CNTN5: variants seen among roughly 807,000 people sequenced by gnomAD.
The protein encoded by CNTN5 is contactin 5, also known as contactin-5.
In CNTN5, 77 loss-of-function variants were observed where a neutral mutation model predicts 129.1. The observed-to-expected ratio is 0.60, with a 90% CI of 0.50 to 0.72. CNTN5 has a LOEUF of 0.72. Ranked by LOEUF, CNTN5 falls within the 30% of genes least tolerant of loss-of-function variation. The pLI is 0.00. For synonymous variants in CNTN5, 509 were observed against 465.6 expected, an observed-to-expected ratio of 1.09 and a Z score of -1.20; for missense variants, 1,478 against 1,328.8, an observed-to-expected ratio of 1.11 and a Z score of -1.75.
intron 3 of CNTN5, among the ~76,000 whole-genome samples, chr11:99,804,769 T>C (rs1946219083): frequency 6.6e-6 from 1 of 150,938 alleles, no homozygotes; most frequent in African/African-American, 2.4e-5. Context: ...TAGATAGAAG[T>C]ACATCTTACA....
intron 17 of CNTN5, among the ~76,000 whole-genome samples, chr11:100,266,760 A>G (rs1034851919): frequency 6.6e-6 from 1 of 151,948 alleles, no homozygotes; most frequent in Non-Finnish European, 1.5e-5. Flanking sequence ...TGGAAGGAAG[A>G]TTATTTTTAT....
chr11:99,711,854 G>A (rs1251018286), intron 3 of CNTN5, among the ~76,000 whole-genome samples: 1 of 152,006 alleles, frequency 6.6e-6, no homozygotes, highest in African/African-American at 2.4e-5. Context: ...TTGTGTCTGT[G>A]CCACATTTTC....
At chr11:99,251,781 T>C (rs1400446194) in intron 1 of CNTN5, among the ~76,000 whole-genome samples, 1 of 152,034 alleles carries the variant, frequency 6.6e-6, no homozygotes, top group Non-Finnish European at 1.5e-5. Flanking sequence ...TAGTAACATG[T>C]GTTTTCCATA....
chr11:99,240,199 G>T lies in CNTN5; in HGVS notation c.-209-85147G>T, dbSNP rs192212330. Among the ~76,000 whole-genome samples, 3 of 141,474 alleles carry T rather than the reference G, an allele frequency of 2.1e-5. No homozygotes were observed. In the East Asian group the frequency reaches 5.8e-4, roughly 27 times the overall value. The allele number at this position is 141,474 out of a possible 152,430, so 92.8% of individuals were successfully genotyped here. A position where few individuals can be genotyped will look rare whatever the true frequency, so the allele number is the denominator to read the frequency against. ...AATTGGGGGAGGTTTTCCTCTTTTG[G>T]CTTTTGCCTGGGGTTGCCTTTAAAT... On this transcript the variant is annotated intron_variant, in intron 1 of 24. Transcript: ENST00000524871.
At chr11:99,083,462 T>C (rs1481840416) in intron 1 of CNTN5, among the ~76,000 whole-genome samples, 1 of 152,218 alleles carries the variant, frequency 6.6e-6, no homozygotes, top group African/African-American at 2.4e-5. Context: ...TTCCTTCTTA[T>C]GATCACTCCA....
chr11:100,037,383 A>C (rs1942082382), intron 9 of CNTN5, among the ~76,000 whole-genome samples: 2 of 151,958 alleles, frequency 1.3e-5, no homozygotes, highest in South Asian at 2.1e-4. Context: ...TATTTTATTG[A>C]GGATTTTTGC....
intron 2 of CNTN5, among the ~76,000 whole-genome samples, chr11:99,498,025 T>C (rs1304769265): frequency 6.6e-6 from 1 of 152,140 alleles, no homozygotes; most frequent in Non-Finnish European, 1.5e-5. Context: ...CTACTGTGTG[T>C]TCAGGCGTAT....
chr11:99,217,436 C>G (rs1015472187), intron 1 of CNTN5, among the ~76,000 whole-genome samples: 1 of 152,092 alleles, frequency 6.6e-6, no homozygotes, highest in African/African-American at 2.4e-5. Context: ...AGAATGAATA[C>G]GAGCAAGGGT....
At chr11:99,888,244 G>A (rs181606562) in intron 6 of CNTN5, among the ~76,000 whole-genome samples, 1 of 152,124 alleles carries the variant, frequency 6.6e-6, no homozygotes, top group African/African-American at 2.4e-5. Flanking sequence ...AATTGCTAAG[G>A]AGAAGGGATG....
intron 3 of CNTN5, among the ~76,000 whole-genome samples, chr11:99,659,031 G>A (rs1952497963): frequency 6.6e-6 from 1 of 151,982 alleles, no homozygotes; most frequent in Admixed American, 6.6e-5. Flanking sequence ...TCCAACCCCT[G>A]CCACAGTTGA....
At position 100,299,159 on chromosome 11, in the gene CNTN5, T is replaced by C. The variant is rs201982407; in HGVS notation, c.2386-3T>C. On this transcript the variant is annotated splice_region_variant and splice_polypyrimidine_tract_variant and intron_variant, in intron 19 of 24. Transcript: ENST00000524871. ...GATAATTAATTATATTTTTCTTCTTTAGCCAGTATCTGAAGAGTTTCAGAA... is the reference window on the plus strand; with the variant it reads ...GATAATTAATTATATTTTTCTTCTTCAGCCAGTATCTGAAGAGTTTCAGAA... 3.8e-6 allele frequency: 6 copies of C among 1,567,192 alleles called. No individual in the cohort carries two copies. Among genetic ancestry groups the C allele is most frequent in the Non-Finnish European group, 5.2e-6 (6 of 1,147,414 alleles).
intron 2 of CNTN5, among the ~76,000 whole-genome samples, chr11:99,540,960 C>T (rs1350267378): frequency 3.9e-5 from 6 of 152,002 alleles, no homozygotes; most frequent in Admixed American, 2.6e-4. Context: ...AGTAATACTA[C>T]GTTAAAAAGA....
At chr11:99,175,103 A>G (rs1409482816) in intron 1 of CNTN5, among the ~76,000 whole-genome samples, 3 of 152,062 alleles carry the variant, frequency 2.0e-5, no homozygotes, top group African/African-American at 7.2e-5. Flanking sequence ...GTATGGTGGC[A>G]TGCACCTGTA....
In CNTN5 at chr11:99,990,451, T is replaced by TACACACACACACAC. The variant is rs200252748; in HGVS notation, c.878-11582_878-11581insCACACACACACACA. On this transcript the variant is annotated intron_variant, in intron 8 of 24. Transcript: ENST00000524871. ...GCTTCCCTTATTTTTAGAATATATA[T>TACACACACACACAC]ATATACACACACACACACACACACA... Among the ~76,000 whole-genome samples, 387 of 99,518 alleles carry TACACACACACACAC rather than the reference T, an allele frequency of 3.9e-3. 2 individuals carry two copies. The highest frequency in any genetic ancestry group is 5.3e-3 in the East Asian group (23 of 4,322). 65.3% of individuals were successfully genotyped at this position (99,518 alleles called of 152,430 possible). A position where few individuals can be genotyped will look rare whatever the true frequency, so the allele number is the denominator to read the frequency against.
At chr11:99,569,387 CACTG>C (rs1949107208) in intron 3 of CNTN5, among the ~76,000 whole-genome samples, 1 of 152,160 alleles carries the variant, frequency 6.6e-6, no homozygotes, top group Non-Finnish European at 1.5e-5. Flanking sequence ...AATGTGGCCT[CACTG>C]CAAGCTCCGC....
intron 2 of CNTN5, among the ~76,000 whole-genome samples, chr11:99,429,680 C>T (rs901969603): frequency 6.6e-6 from 1 of 151,586 alleles, no homozygotes; most frequent in East Asian, 1.9e-4. Context: ...TTAACTGGAC[C>T]TCTGAGCACG....
intron 1 of CNTN5, among the ~76,000 whole-genome samples, chr11:99,083,095 G>T (rs1003423714): frequency 6.6e-6 from 1 of 151,896 alleles, no homozygotes; most frequent in Admixed American, 6.6e-5. Flanking sequence ...ATTGACAAGG[G>T]TTGTTGTTCA....
At chr11:99,440,718 A>C in intron 2 of CNTN5, among the ~76,000 whole-genome samples, 1 of 151,910 alleles carries the variant, frequency 6.6e-6, no homozygotes. Flanking sequence ...TGAATTGATG[A>C]TCTTAAAATG....
chr11:99,695,548 A>G (rs1476998447), intron 3 of CNTN5, among the ~76,000 whole-genome samples: 2 of 151,998 alleles, frequency 1.3e-5, no homozygotes, highest in Non-Finnish European at 2.9e-5. Flanking sequence ...TATATATCTT[A>G]TAGAAATCCA....
Sources: allele counts gnomAD v4.1 joint callset (sites outside exome capture counted in the v4.1 genomes callset), GRCh38; gene constraint gnomAD v4.1.1; transcripts MANE v1.5; gene names NCBI Gene and HGNC (gene_info 2026-07-23, HGNC 2026-07-21).